PYHIN1: variants seen among roughly 807,000 people sequenced by gnomAD.
PYHIN1 encodes pyrin and HIN domain-containing protein 1.
In PYHIN1, 32 loss-of-function variants were observed where a neutral mutation model predicts 43.7. The observed-to-expected ratio is 0.73, with a 90% confidence interval of 0.55 to 0.98. The LOEUF is 0.98. PYHIN1 is among the 50% of genes least tolerant of loss of function. The pLI, the probability that PYHIN1 is intolerant of heterozygous loss-of-function variation, is 0.00. For missense variants in PYHIN1, 588 were observed against 589.5 expected, an observed-to-expected ratio of 1.00 and a Z score of 0.03; for synonymous variants, 205 against 203.1, an observed-to-expected ratio of 1.01 and a Z score of -0.08.
chr1:158,971,441 T>A (rs1461669135), intron 7 of PYHIN1, among the ~76,000 whole-genome samples: 1 of 151,918 alleles, frequency 6.6e-6, no homozygotes, highest in East Asian at 1.9e-4. Flanking sequence ...TATATATATA[T>A]AAAGACATGT....
intron 7 of PYHIN1, among the ~76,000 whole-genome samples, chr1:158,958,123 T>C (rs1185928683): frequency 3.3e-5 from 5 of 151,070 alleles, no homozygotes; most frequent in Non-Finnish European, 7.4e-5. Context: ...CTGGAGAGGA[T>C]GTGGAGAAAT....
At chr1:158,936,686 G>A (rs1648561760) in intron 1 of PYHIN1, among the ~76,000 whole-genome samples, 1 of 152,116 alleles carries the variant, frequency 6.6e-6, no homozygotes, top group Non-Finnish European at 1.5e-5. Flanking sequence ...AGGTATTGAT[G>A]GGACGTATCT....
intron 1 of PYHIN1, among the ~76,000 whole-genome samples, chr1:158,932,289 C>T (rs147252366): frequency 2.2e-4 from 34 of 151,812 alleles, no homozygotes; most frequent in African/African-American, 5.8e-4. Context: ...GAACGGTAGA[C>T]GCTGGGGACT....
At chr1:158,970,389 T>C (rs1650865594) in intron 7 of PYHIN1, among the ~76,000 whole-genome samples, 1 of 152,000 alleles carries the variant, frequency 6.6e-6, no homozygotes, top group Non-Finnish European at 1.5e-5. Flanking sequence ...ATCACCTGAA[T>C]AGTGTATGTT....
downstream of PYHIN1, among the ~76,000 whole-genome samples, chr1:158,978,455 G>A (rs542914793): frequency 9.2e-5 from 14 of 152,210 alleles, 1 homozygote; most frequent in South Asian, 2.7e-3. Context: ...ATTTCATCTT[G>A]AGAAGATGTC....
chr1:158,982,849 C>T, the PYHIN1 span, among the ~76,000 whole-genome samples: 1 of 151,988 alleles, frequency 6.6e-6, no homozygotes, highest in African/African-American at 2.4e-5. Flanking sequence ...TTGTAGAAAT[C>T]TTTTACCTCC....
chr1:158,951,643 C>A (rs1649536635), intron 7 of PYHIN1, among the ~76,000 whole-genome samples: 1 of 152,184 alleles, frequency 6.6e-6, no homozygotes, highest in South Asian at 2.1e-4. Context: ...GGGGAGTGAA[C>A]TACTTTTGTA....
intron 2 of PYHIN1, among the ~76,000 whole-genome samples, 156 bp from the exon 3 acceptor site, chr1:158,938,241 G>A (rs1290023571): frequency 1.3e-5 from 2 of 152,150 alleles, no homozygotes; most frequent in Non-Finnish European, 1.5e-5. Context: ...TTCTCCTGCT[G>A]GCCTCCTGGA....
chr1:158,967,069 A>G (rs1232906392), intron 7 of PYHIN1, among the ~76,000 whole-genome samples: 1 of 152,122 alleles, frequency 6.6e-6, no homozygotes, highest in African/African-American at 2.4e-5. Context: ...TAAACCAACA[A>G]CATCCAAGCT....
chr1:158,983,077 T>G, the PYHIN1 span, among the ~76,000 whole-genome samples: 5 of 152,164 alleles, frequency 3.3e-5, no homozygotes, highest in African/African-American at 1.2e-4. Flanking sequence ...AGAATCATAT[T>G]ACCTGCAAAA....
intron 3 of PYHIN1, 50 bp from the exon 4 acceptor site, chr1:158,939,030 G>T: frequency 7.2e-7 from 1 of 1,386,290 alleles, no homozygotes; most frequent in Non-Finnish European, 9.8e-7. Context: ...AATGTGCTCT[G>T]CTTCATTTGA....
At chr1:158,957,244 G>GA (rs1363935178) in intron 7 of PYHIN1, among the ~76,000 whole-genome samples, 1 of 147,340 alleles carries the variant, frequency 6.8e-6, no homozygotes, top group Non-Finnish European at 1.5e-5. Context: ...CACAGAATTG[G>GA]AAAAAACTAC....
At chr1:158,937,243 C>A (rs1029511312) in intron 2 of PYHIN1, 68 bp downstream of exon 2, 4 of 1,475,068 alleles carry the variant, frequency 2.7e-6, no homozygotes, top group African/African-American at 1.4e-5. Flanking sequence ...GATTAGAACG[C>A]CACCTTGGTC....
the PYHIN1 span, among the ~76,000 whole-genome samples, chr1:158,990,191 G>A: frequency 6.6e-6 from 1 of 152,216 alleles, no homozygotes; most frequent in African/African-American, 2.4e-5. Flanking sequence ...GTTTCTGATA[G>A]AACTTGAGCA....
chr1:158,952,226 C>T (rs1420265901), intron 7 of PYHIN1, among the ~76,000 whole-genome samples: 1 of 151,336 alleles, frequency 6.6e-6, no homozygotes, highest in Non-Finnish European at 1.5e-5. Context: ...GGCCTGGCTT[C>T]CTGTCGCAGC....
At chr1:158,952,317 C>G (rs995747176) in intron 7 of PYHIN1, among the ~76,000 whole-genome samples, 3 of 151,962 alleles carry the variant, frequency 2.0e-5, no homozygotes, top group African/African-American at 7.3e-5. Context: ...TTCTTTCTAC[C>G]TACTGCTTGC....
chr1:158,947,809 C>T (rs142130150), intron 7 of PYHIN1, among the ~76,000 whole-genome samples: 59 of 152,320 alleles, frequency 3.9e-4, no homozygotes, highest in African/African-American at 1.3e-3. Flanking sequence ...AAGTAAAGAG[C>T]GATTATGCAC....
At chr1:158,970,527 G>A (rs1218967774) in intron 7 of PYHIN1, among the ~76,000 whole-genome samples, 1 of 151,816 alleles carries the variant, frequency 6.6e-6, no homozygotes, top group Non-Finnish European at 1.5e-5. Flanking sequence ...TAAGATAACT[G>A]TAATATCTGA....
rs773887798 is a variant in PYHIN1 at position 158,939,223 on chromosome 1, T to G, written c.555T>G (p.Ala185=). 1.6e-5 allele frequency: 26 copies of G among 1,605,828 alleles called. No individual in the cohort carries two copies. The highest frequency in any genetic ancestry group is 2.7e-5 in the African/African-American group (2 of 74,264). ...CACCTCCCCAGACCTCATCATCAGC[T>G]CCACCCAACACTTCCTCAACTGAGG... is the stretch of plus-strand genomic sequence containing the variant. ...RSPPPQTSSS[A]PPNTSSTESL... is the part of the protein sequence containing the mutation. Residue 185 remains alanine, a synonymous_variant, in exon 4 of 9, where the codon GCT becomes GCG. Coordinates refer to ENST00000368140, the MANE Select transcript of PYHIN1 (RefSeq NM_152501.5).
Sources: gnomAD v4.1 joint callset for allele counts (sites outside exome capture counted in the v4.1 genomes callset) on GRCh38, gnomAD v4.1.1 for gene constraint, MANE v1.5 for transcripts, NCBI Gene and HGNC (gene_info 2026-07-23, HGNC 2026-07-21) for gene names.